The following ADRA1A variants were observed in gnomAD, a reference collection of about 807,000 sequenced individuals.
ADRA1A encodes adrenoceptor alpha 1A, also known as alpha-1A adrenergic receptor.
A neutral mutation model predicts 29.6 loss-of-function variants in ADRA1A; 31 were observed. That is an observed-to-expected ratio of 1.05 (90% CI 0.79 to 1.41). The LOEUF is 1.41. Among genes scored for constraint, ADRA1A ranks in the 40% most tolerant of loss-of-function variants. ADRA1A has a pLI of 0.00. For missense variants in ADRA1A, 619 were observed against 601.1 expected (o/e 1.03, Z -0.31); for synonymous variants, 311 against 254.3 (o/e 1.22, Z -2.12).
chr8:26,800,907 C>T lies in ADRA1A; in HGVS notation c.884-30241G>A, dbSNP rs190499329. ...AACACTTGTAGTCCAAATTCAACAACATATTAAAAAGATTATTCATCATGA... is the reference window on the plus strand; with the variant it reads ...AACACTTGTAGTCCAAATTCAACAATATATTAAAAAGATTATTCATCATGA... On this transcript the variant is annotated intron_variant, in intron 2 of 2. Coordinates refer to ENST00000380573, the MANE Select transcript of ADRA1A (RefSeq NM_000680.4). 4.6e-5 allele frequency among the ~76,000 whole-genome samples: 7 copies of T among 152,216 alleles called. No homozygotes were observed. In the East Asian group the frequency reaches 1.4e-3, roughly 29 times the overall value.
intron 2 of ADRA1A, among the ~76,000 whole-genome samples, chr8:26,852,373 A>T (rs1364704283): frequency 6.6e-6 from 1 of 152,188 alleles, no homozygotes; most frequent in Non-Finnish European, 1.5e-5. Context: ...AATAAAAGAG[A>T]GAAATCTCTA....
chr8:26,812,941 C>T (rs1166593945), intron 2 of ADRA1A, among the ~76,000 whole-genome samples: 1 of 151,870 alleles, frequency 6.6e-6, no homozygotes, highest in East Asian at 1.9e-4. Flanking sequence ...GCTGGGATTA[C>T]AGGCTTGAGC....
In ADRA1A at chr8:26,848,538, G is replaced by A. The variant is rs992204406; in HGVS notation, c.883+15549C>T. Reference sequence around the variant, plus strand: ...GAACCCTCACCAAGAGCCTGACAATGCTAGAACCCTGATCTCAGACTTCCA... The same window carrying A: ...GAACCCTCACCAAGAGCCTGACAATACTAGAACCCTGATCTCAGACTTCCA... On this transcript the variant is annotated intron_variant, in intron 2 of 2. Coordinates refer to ENST00000380573, the MANE Select transcript of ADRA1A (RefSeq NM_000680.4). This position sits in a 1 kb window ranked among gnomAD's most constrained non-coding sequence, Gnocchi z 4.3. 1.4e-4 allele frequency among the ~76,000 whole-genome samples: 21 copies of A among 152,272 alleles called. No individual in the cohort carries two copies. The highest frequency in any genetic ancestry group is 4.8e-4 in the African/African-American group (20 of 41,558).
intron 2 of ADRA1A, among the ~76,000 whole-genome samples, chr8:26,793,938 A>G (rs1457951604): frequency 6.6e-6 from 1 of 152,040 alleles, no homozygotes; most frequent in Non-Finnish European, 1.5e-5. Context: ...AAAACTGAGA[A>G]ATAGAGCCAA....
Position 26,770,063 on chromosome 8 carries a change from T to C in ADRA1A, c.*86A>G. 12 of 1,512,266 alleles carry C rather than the reference T, an allele frequency of 7.9e-6. No homozygotes were observed. Among genetic ancestry groups the C allele is most frequent in the Non-Finnish European group, 1.1e-5 (12 of 1,132,842 alleles). The allele number at this position is 1,512,266 out of a possible 1,614,324, so 93.7% of individuals were successfully genotyped here. A position where few individuals can be genotyped will look rare whatever the true frequency, so the allele number is the denominator to read the frequency against. On this transcript the variant is annotated 3_prime_UTR_variant, in exon 3 of 3. Coordinates refer to ENST00000380573, the MANE Select transcript of ADRA1A (RefSeq NM_000680.4). Reference sequence around the variant, plus strand: ...GGTCCCCTCTTTGATTGGTCCTGTCTTGTCCTCCAAGAAGAGCTGGCCTTC... The same window carrying C: ...GGTCCCCTCTTTGATTGGTCCTGTCCTGTCCTCCAAGAAGAGCTGGCCTTC...
chr8:26,856,190 C>G (rs580739), intron 2 of ADRA1A, among the ~76,000 whole-genome samples: 42,009 of 152,100 alleles, frequency 0.28, 6,197 homozygotes, highest in East Asian at 0.51. Context: ...GAAAGCTTTT[C>G]TCATAAATCT....
downstream of ADRA1A, among the ~76,000 whole-genome samples, chr8:26,768,326 C>T: frequency 6.6e-6 from 1 of 152,166 alleles, no homozygotes; most frequent in East Asian, 1.9e-4. Context: ...AGGAAAGAGG[C>T]CAGGCAAATG....
downstream of ADRA1A, among the ~76,000 whole-genome samples, chr8:26,752,051 T>C (rs140285542): frequency 7.9e-4 from 121 of 152,262 alleles, no homozygotes; most frequent in East Asian, 0.015. Flanking sequence ...ATTGACAAAA[T>C]GCCACACATC....
At position 26,842,866 on chromosome 8, in the gene ADRA1A, TACACACACACAC is replaced by T. The variant is rs57750998; in HGVS notation, c.883+21209_883+21220del. On this transcript the variant is annotated intron_variant, in intron 2 of 2. Transcript: ENST00000380573. ...CTCTCTCTCTCCCTCTCTCTCTTTC[TACACACACACAC>T]ACACACACACACACACACACACACA... Among the ~76,000 whole-genome samples the T allele has an allele frequency of 2.2e-3, 310 of 142,646 alleles. 1 individual carries two copies. Among genetic ancestry groups the T allele is most frequent in the Non-Finnish European group, 3.2e-3 (213 of 65,794 alleles). The allele number at this position is 142,646 out of a possible 152,430, so 93.6% of individuals were successfully genotyped here. A position where few individuals can be genotyped will look rare whatever the true frequency, so the allele number is the denominator to read the frequency against.
chr8:26,858,113 A>G (rs996461481), intron 2 of ADRA1A, among the ~76,000 whole-genome samples: 1 of 152,174 alleles, frequency 6.6e-6, no homozygotes, highest in Non-Finnish European at 1.5e-5. Context: ...TGCTCTATCA[A>G]TGTGCTGCCT....
At chr8:26,839,371 G>C (rs1391542150) in intron 2 of ADRA1A, among the ~76,000 whole-genome samples, 3 of 152,074 alleles carry the variant, frequency 2.0e-5, no homozygotes, top group African/African-American at 7.2e-5. Context: ...TGTTAGCCAG[G>C]ATGGTCTCGA....
At position 26,828,352 on chromosome 8, in the gene ADRA1A, G is replaced by A. The variant is rs73680933; in HGVS notation, c.883+35735C>T. 3.3e-3 allele frequency among the ~76,000 whole-genome samples: 500 copies of A among 152,198 alleles called. 2 individuals are homozygous for A. Among genetic ancestry groups the A allele is most frequent in the African/African-American group, 0.011 (475 of 41,518 alleles). Reference sequence around the variant, plus strand: ...ATACCTCCTACTCATCCATGGTTACGAAAGCTTCAAGTCCTCATTAGAGAC... The same window carrying A: ...ATACCTCCTACTCATCCATGGTTACAAAAGCTTCAAGTCCTCATTAGAGAC... On this transcript the variant is annotated intron_variant, in intron 2 of 2. Coordinates refer to ENST00000380573, the MANE Select transcript of ADRA1A (RefSeq NM_000680.4).
intron 2 of ADRA1A, among the ~76,000 whole-genome samples, chr8:26,813,137 A>T (rs1321067527): frequency 2.6e-5 from 4 of 152,144 alleles, no homozygotes; most frequent in African/African-American, 9.7e-5. Context: ...TTAATAGTAA[A>T]ACATACTAGG....
intron 2 of ADRA1A, among the ~76,000 whole-genome samples, chr8:26,849,878 A>G (rs1428429997): frequency 6.6e-6 from 1 of 152,098 alleles, no homozygotes; most frequent in South Asian, 2.1e-4. Context: ...GAAGATGGAC[A>G]GTGTGCCCAC....
intron 2 of ADRA1A, among the ~76,000 whole-genome samples, chr8:26,814,178 C>T (rs182473097): frequency 4.1e-5 from 6 of 145,992 alleles, no homozygotes; most frequent in Non-Finnish European, 7.6e-5. Context: ...TTAGTGATTA[C>T]TATCTCCTAT....
Position 26,772,883 on chromosome 8 carries a change from A to ACACACACACACATG in ADRA1A, c.884-2218_884-2217insCATGTGTGTGTGTG, listed in dbSNP as rs79239280. Among the ~76,000 whole-genome samples the ACACACACACACATG allele has an allele frequency of 4.2e-4, 64 of 151,726 alleles. No homozygotes were observed. The South Asian group carries it at 4.8e-3, about 11-fold the overall frequency. On this transcript the variant is annotated intron_variant, in intron 2 of 2. Coordinates refer to ENST00000380573, the MANE Select transcript of ADRA1A (RefSeq NM_000680.4). ...TTCACACACACACACACACACACAC[A>ACACACACACACATG]ATGGGTGTTTATTTGGAAAACATGT...
rs1214984199 is a variant in ADRA1A at position 26,796,371 on chromosome 8, G to A, written c.884-25705C>T. Among the ~76,000 whole-genome samples, 1 of 152,126 alleles carries A rather than the reference G, an allele frequency of 6.6e-6. No homozygotes were observed. Among genetic ancestry groups the A allele is most frequent in the Non-Finnish European group, 1.5e-5 (1 of 68,006 alleles). ...CTACAACATTTCGCTACCTTCATCTGCATTTCCAAGTTTTTTTAAATAGCT... is the reference window on the plus strand; with the variant it reads ...CTACAACATTTCGCTACCTTCATCTACATTTCCAAGTTTTTTTAAATAGCT... On this transcript the variant is annotated intron_variant, in intron 2 of 2. Coordinates refer to ENST00000380573, the MANE Select transcript of ADRA1A (RefSeq NM_000680.4). This position sits in a 1 kb window ranked among gnomAD's most constrained non-coding sequence, Gnocchi z 5.0.
intron 2 of ADRA1A, among the ~76,000 whole-genome samples, chr8:26,788,883 A>G (rs1807601514): frequency 6.6e-6 from 1 of 152,196 alleles, no homozygotes; most frequent in Admixed American, 6.6e-5. Context: ...GATTTAGACA[A>G]CAAAACAAAG....
At chr8:26,795,952 C>T (rs1808163241) in intron 2 of ADRA1A, among the ~76,000 whole-genome samples, 1 of 151,918 alleles carries the variant, frequency 6.6e-6, no homozygotes, top group Admixed American at 6.6e-5. Flanking sequence ...TGATTTGGAT[C>T]TCAATTCAAA....
Sources: gnomAD v4.1 joint callset for allele counts (sites outside exome capture counted in the v4.1 genomes callset) on GRCh38, gnomAD v4.1.1 for gene constraint, Gnocchi (gnomAD v3.1) non-coding constraint, MANE v1.5 for transcripts, NCBI Gene and HGNC (gene_info 2026-07-23, HGNC 2026-07-21) for gene names.